The following DCAF8L2 variants were observed in gnomAD, a reference collection of about 807,000 sequenced individuals.
DCAF8L2 encodes DDB1 and CUL4 associated factor 8 like 2, also known as DDB1- and CUL4-associated factor 8-like protein 2.
For missense variants in DCAF8L2, 430 were observed against 490.7 expected (o/e 0.88, Z 1.17); for synonymous variants, 200 against 190.9 (o/e 1.05, Z -0.39).
At chrX:27,469,567 G>T in the DCAF8L2 span, among the ~76,000 whole-genome samples, 1 of 111,378 alleles carries the variant, frequency 9.0e-6, no homozygotes, top group Non-Finnish European at 1.9e-5. Context: ...AACATTTAAA[G>T]GGGTGCCTTG....
At chrX:27,491,298 A>T in the DCAF8L2 span, among the ~76,000 whole-genome samples, 3 of 112,075 alleles carry the variant, frequency 2.7e-5, no homozygotes, top group South Asian at 1.1e-3. Flanking sequence ...GTCAGTGTGA[A>T]CTGTCCATAT....
intron 2 of DCAF8L2, among the ~76,000 whole-genome samples, chrX:27,656,612 A>G (rs1043483457): frequency 8.9e-6 from 1 of 111,755 alleles, no homozygotes; most frequent in Non-Finnish European, 1.9e-5. Flanking sequence ...AGTCTGTGGG[A>G]GCTAGGGTGG....
At chrX:27,688,887 TC>T (rs1569182633) in intron 3 of DCAF8L2, among the ~76,000 whole-genome samples, 1 of 111,545 alleles carries the variant, frequency 9.0e-6, no homozygotes, top group Non-Finnish European at 1.9e-5. Context: ...AAAAATAAGT[TC>T]CTCTTTTTGA....
chrX:27,732,371 A>G (rs1164938582), intron 4 of DCAF8L2, among the ~76,000 whole-genome samples: 2 of 110,617 alleles, frequency 1.8e-5, no homozygotes, highest in African/African-American at 6.6e-5. Flanking sequence ...GAGATCATGC[A>G]ATATTCTTCT....
chrX:27,681,613 T>A (rs1930331770), intron 3 of DCAF8L2, among the ~76,000 whole-genome samples: 1 of 112,350 alleles, frequency 8.9e-6, no homozygotes, highest in Non-Finnish European at 1.9e-5. Context: ...TACATTTTGC[T>A]TAAGAGCTCT....
the DCAF8L2 span, among the ~76,000 whole-genome samples, chrX:27,494,407 AAAAT>A: frequency 9.0e-6 from 1 of 111,215 alleles, no homozygotes; most frequent in African/African-American, 3.3e-5. Flanking sequence ...CTCCGTCTCA[AAAAT>A]AAATAAATAA....
At chrX:27,706,336 T>C in intron 3 of DCAF8L2, among the ~76,000 whole-genome samples, 1 of 111,194 alleles carries the variant, frequency 9.0e-6, no homozygotes, top group Admixed American at 9.7e-5. Flanking sequence ...TACTTTTTTT[T>C]TCTAATTTTG....
chrX:27,511,919 A>G, the DCAF8L2 span, among the ~76,000 whole-genome samples: 1 of 111,705 alleles, frequency 9.0e-6, no homozygotes, highest in Non-Finnish European at 1.9e-5. Context: ...AATAGCAACA[A>G]CAACAACAAA....
At chrX:27,657,666 C>A (rs1056616268) in intron 2 of DCAF8L2, among the ~76,000 whole-genome samples, 3 of 111,900 alleles carry the variant, frequency 2.7e-5, no homozygotes, top group Non-Finnish European at 5.6e-5. Context: ...TAAGCCATCT[C>A]ATCCTTAAAA....
intron 2 of DCAF8L2, among the ~76,000 whole-genome samples, chrX:27,653,756 AC>A (rs1929241798): frequency 1.9e-5 from 2 of 107,799 alleles, no homozygotes; most frequent in Non-Finnish European, 3.8e-5. Context: ...ACACACACAC[AC>A]ACACAACATA....
chrX:27,592,206 C>A (rs1281720154), intron 1 of DCAF8L2, among the ~76,000 whole-genome samples: 1 of 111,767 alleles, frequency 8.9e-6, no homozygotes, highest in African/African-American at 3.3e-5. Flanking sequence ...GGGGCCCCCT[C>A]CTCCTGCCTC....
At chrX:27,671,575 C>T (rs991690044) in intron 2 of DCAF8L2, among the ~76,000 whole-genome samples, 1 of 111,587 alleles carries the variant, frequency 9.0e-6, no homozygotes, top group African/African-American at 3.3e-5. Flanking sequence ...TGTCCAGCAT[C>T]GATTCCACTC....
the DCAF8L2 span, among the ~76,000 whole-genome samples, chrX:27,562,650 C>T: frequency 2.7e-5 from 3 of 112,115 alleles, no homozygotes; most frequent in Non-Finnish European, 5.6e-5. Flanking sequence ...ACAGCATTCT[C>T]CAACCTGGCG....
chrX:27,501,714 TC>T, the DCAF8L2 span, among the ~76,000 whole-genome samples: 1 of 111,436 alleles, frequency 9.0e-6, no homozygotes, highest in Middle Eastern at 4.6e-3. Flanking sequence ...AATGTGGGCA[TC>T]ATCTCACTGT....
the DCAF8L2 span, among the ~76,000 whole-genome samples, chrX:27,472,306 G>A: frequency 1.7e-4 from 19 of 111,397 alleles, no homozygotes; most frequent in Non-Finnish European, 3.0e-4. Flanking sequence ...TACACATAGA[G>A]GACAATTAGA....
At position 27,716,111 on chromosome X, in the gene DCAF8L2, C is replaced by T. The variant is rs923199262; in HGVS notation, c.-119C>T. The T allele has an allele frequency of 1.8e-5, 2 of 111,924 alleles. No individual in the cohort carries two copies. The highest frequency in any genetic ancestry group is 3.8e-5 in the Non-Finnish European group (2 of 53,234). The allele number at this position is 111,924 out of a possible 1,213,427, so 9.2% of individuals were successfully genotyped here. A position where few individuals can be genotyped will look rare whatever the true frequency, so the allele number is the denominator to read the frequency against. ...AGGAAGCTGCACTGTTGCAGAGGTC[C>T]ATTAACTCTTTCAGGACGGTGTGGA... On this transcript the variant is annotated 5_prime_UTR_variant, in exon 4 of 5. Transcript: ENST00000451261.
At chrX:27,744,499 TAAAAC>T (rs1004238595) in intron 4 of DCAF8L2, among the ~76,000 whole-genome samples, 9 of 111,977 alleles carry the variant, frequency 8.0e-5, no homozygotes, top group African/African-American at 9.8e-5. Flanking sequence ...AAACACTGCT[TAAAAC>T]AAATATCATG....
chrX:27,607,250 A>G (rs1024247964), intron 1 of DCAF8L2, among the ~76,000 whole-genome samples: 1 of 112,181 alleles, frequency 8.9e-6, no homozygotes, highest in African/African-American at 3.2e-5. Flanking sequence ...CATACAGCAG[A>G]ATGGAAAATA....
chrX:27,625,543 T>C (rs1006963829), intron 1 of DCAF8L2, among the ~76,000 whole-genome samples: 8 of 112,090 alleles, frequency 7.1e-5, no homozygotes, highest in African/African-American at 2.6e-4. Context: ...TGTTCTATCA[T>C]AAAGACACAC....
Sources: allele counts gnomAD v4.1 joint callset (sites outside exome capture counted in the v4.1 genomes callset), GRCh38; gene constraint gnomAD v4.1.1; transcripts MANE v1.5; gene names NCBI Gene and HGNC (gene_info 2026-07-23, HGNC 2026-07-21).